ADAMTS18: variants seen among roughly 807,000 people sequenced by gnomAD.
The protein encoded by ADAMTS18 is ADAM metallopeptidase with thrombospondin type 1 motif 18.
In ADAMTS18, 157 loss-of-function variants were observed where a neutral mutation model predicts 165.9. The ratio of observed to expected loss-of-function variants is 0.95; its 90% confidence interval spans 0.83 to 1.08. ADAMTS18 has a LOEUF of 1.08. ADAMTS18 is among the 50% of genes least tolerant of loss of function. ADAMTS18 has a pLI of 0.00. For synonymous variants in ADAMTS18, 782 were observed against 578.2 expected (o/e 1.35, Z -5.06); for missense variants, 2,040 against 1,534.0 (o/e 1.33, Z -5.51).
intron 13 of ADAMTS18, 39 bp from the exon 14 acceptor site, chr16:77,322,505 G>A: frequency 6.2e-7 from 1 of 1,608,234 alleles, no homozygotes; most frequent in Non-Finnish European, 8.5e-7. Flanking sequence ...TGGTCAAGAG[G>A]AAACTAAGGA....
At chr16:77,389,241 T>C (rs2057152324) in intron 3 of ADAMTS18, among the ~76,000 whole-genome samples, 1 of 152,168 alleles carries the variant, frequency 6.6e-6, no homozygotes, top group South Asian at 2.1e-4. Flanking sequence ...GAAGGTCAAG[T>C]CTTCAGTGAG....
intron 10 of ADAMTS18, 132 bp downstream of exon 10, chr16:77,353,601 A>G (rs1225055986): frequency 7.9e-7 from 1 of 1,261,486 alleles, no homozygotes; most frequent in Non-Finnish European, 1.1e-6. Flanking sequence ...TTATCATGCC[A>G]AACAACTGAC....
chr16:77,340,395 GA>G (rs1170556989), intron 11 of ADAMTS18, among the ~76,000 whole-genome samples: 1 of 152,006 alleles, frequency 6.6e-6, no homozygotes, highest in African/African-American at 2.4e-5. Context: ...GGCTAGTCTT[GA>G]ACTTCTGACC....
chr16:77,395,113 C>T (rs941379360), intron 3 of ADAMTS18, among the ~76,000 whole-genome samples: 1 of 152,168 alleles, frequency 6.6e-6, no homozygotes, highest in African/African-American at 2.4e-5. Context: ...ATACAGCAAG[C>T]TGCCATACCA....
intron 3 of ADAMTS18, among the ~76,000 whole-genome samples, chr16:77,405,243 A>T (rs2057379346): frequency 6.6e-6 from 1 of 152,204 alleles, no homozygotes; most frequent in Non-Finnish European, 1.5e-5. Flanking sequence ...GGTCAACTGC[A>T]TTCAAAATTT....
intron 12 of ADAMTS18, among the ~76,000 whole-genome samples, chr16:77,332,387 G>C (rs1273842450): frequency 6.6e-6 from 1 of 152,174 alleles, no homozygotes; most frequent in Non-Finnish European, 1.5e-5. Flanking sequence ...AGCTTGGGAT[G>C]AGGATGATGA....
chr16:77,291,618 G>A, intron 20 of ADAMTS18, 140 bp from the exon 21 acceptor site: 1 of 889,040 alleles, frequency 1.1e-6, no homozygotes, highest in South Asian at 1.3e-5. Flanking sequence ...ACTCACTCGA[G>A]GATCTTACAG....
intron 3 of ADAMTS18, among the ~76,000 whole-genome samples, chr16:77,382,452 C>T (rs548774136): frequency 2.0e-5 from 3 of 152,106 alleles, no homozygotes; most frequent in East Asian, 1.9e-4. Context: ...CCTCGTGATC[C>T]GCCCCTCTCG....
intron 22 of ADAMTS18, among the ~76,000 whole-genome samples, chr16:77,285,171 T>C (rs780728880): frequency 1.4e-4 from 21 of 151,440 alleles, no homozygotes; most frequent in Non-Finnish European, 2.6e-4. Flanking sequence ...AAGGGCCCAG[T>C]CATTTCACTG....
chr16:77,405,656 A>C (rs929237017), intron 3 of ADAMTS18, among the ~76,000 whole-genome samples: 7 of 152,268 alleles, frequency 4.6e-5, no homozygotes, highest in East Asian at 3.9e-4. Context: ...TATACAACAG[A>C]AAGTTATTTT....
intron 3 of ADAMTS18, among the ~76,000 whole-genome samples, chr16:77,370,291 A>G (rs1166029186): frequency 6.6e-6 from 1 of 152,224 alleles, no homozygotes. Context: ...GAAGAAGCCA[A>G]ATTGTCCCTG....
At chr16:77,376,131 G>A (rs532880672) in intron 3 of ADAMTS18, among the ~76,000 whole-genome samples, 3 of 152,052 alleles carry the variant, frequency 2.0e-5, no homozygotes, top group African/African-American at 7.2e-5. Context: ...TTGAACTCCC[G>A]ATCTCAGGTG....
Position 77,362,090 on chromosome 16 carries a change from C to T in ADAMTS18, c.1216+15G>A. 1 of 1,613,880 alleles carries T rather than the reference C, an allele frequency of 6.2e-7. No individual in the cohort carries two copies. Among genetic ancestry groups the T allele is most frequent in the East Asian group, 2.2e-5 (1 of 44,854 alleles). ...CAGCTAACAGGTGTGTGTGAAGGAT[C>T]TGTTCATACCATACCTAGAGTGTCA... On this transcript the variant is annotated intron_variant, in intron 7 of 22. Coordinates refer to ENST00000282849, the MANE Select transcript of ADAMTS18 (RefSeq NM_199355.4).
intron 3 of ADAMTS18, among the ~76,000 whole-genome samples, chr16:77,424,832 T>C (rs1440689642): frequency 6.6e-6 from 1 of 152,146 alleles, no homozygotes; most frequent in Non-Finnish European, 1.5e-5. Flanking sequence ...CATGATCCTC[T>C]CAAGTGACCG....
intron 8 of ADAMTS18, among the ~76,000 whole-genome samples, chr16:77,358,667 A>G (rs942123532): frequency 1.3e-5 from 2 of 152,258 alleles, no homozygotes; most frequent in East Asian, 1.9e-4. Context: ...TTGAAAATAT[A>G]TGAGTTATTT....
intron 3 of ADAMTS18, among the ~76,000 whole-genome samples, chr16:77,425,222 C>G (rs1300579815): frequency 6.6e-6 from 1 of 152,086 alleles, no homozygotes; most frequent in African/African-American, 2.4e-5. Flanking sequence ...TGCAGCCAGC[C>G]ATGGGGGAGA....
intron 13 of ADAMTS18, 126 bp downstream of exon 13, chr16:77,325,740 G>C: frequency 1.1e-6 from 1 of 952,286 alleles, no homozygotes; most frequent in Non-Finnish European, 1.5e-6. Flanking sequence ...ACTGAGCCAG[G>C]ATGGGTCTGG....
chr16:77,429,581 TAA>T (rs2057714225), intron 3 of ADAMTS18, among the ~76,000 whole-genome samples: 1 of 152,078 alleles, frequency 6.6e-6, no homozygotes, highest in South Asian at 2.1e-4. Context: ...CCCCTGAACC[TAA>T]AAGTTTTAAA....
intron 16 of ADAMTS18, among the ~76,000 whole-genome samples, chr16:77,308,883 A>C (rs1322006444): frequency 1.3e-5 from 2 of 152,218 alleles, no homozygotes; most frequent in Non-Finnish European, 1.5e-5. Context: ...ACACACACTT[A>C]ATTTAGATAT....
Sources: allele counts gnomAD v4.1 joint callset (sites outside exome capture counted in the v4.1 genomes callset), GRCh38; gene constraint gnomAD v4.1.1; transcripts MANE v1.5; gene names NCBI Gene and HGNC (gene_info 2026-07-23, HGNC 2026-07-21).